PKHD1: variants seen among roughly 807,000 people sequenced by gnomAD.
PKHD1 encodes fibrocystin.
Under a neutral mutation model 412.0 loss-of-function variants are expected in PKHD1, and 291 were observed. The observed-to-expected ratio is 0.71, with a 90% CI of 0.64 to 0.78. The LOEUF is 0.78. Ranked by LOEUF, PKHD1 falls within the 30% of genes least tolerant of loss-of-function variation. The pLI is 0.00. For missense variants in PKHD1, 4,825 were observed against 4,950.7 expected (o/e 0.97, Z 0.76); for synonymous variants, 1,777 against 1,821.5 (o/e 0.98, Z 0.62).
chr6:52,014,770 A>G (rs1800296729), intron 34 of PKHD1, among the ~76,000 whole-genome samples: 2 of 136,500 alleles, frequency 1.5e-5, no homozygotes, highest in East Asian at 2.3e-4. Context: ...GGATGAATAT[A>G]CTGGATAGAT....
rs1766264329 is a variant in PKHD1, at chr6:51,618,798, G to A, written c.*283C>T. The A allele has an allele frequency of 4.4e-6, 2 of 457,342 alleles. No homozygotes were observed. The highest frequency in any genetic ancestry group is 4.0e-6 in the Non-Finnish European group (1 of 248,704). 28.3% of individuals were successfully genotyped at this position (457,342 alleles called of 1,614,324 possible). A position where few individuals can be genotyped will look rare whatever the true frequency, so the allele number is the denominator to read the frequency against. ...GTCAGTATTACACCATTATCAAGTT[G>A]TTAAAATCAGGCTTAAGTTAAAAAC... On this transcript the variant is annotated 3_prime_UTR_variant, in exon 67 of 67. Transcript: ENST00000371117.
Position 52,025,277 on chromosome 6 carries a change from G to A in PKHD1, c.4533C>T (p.Thr1511=). Residue 1511 remains threonine, a synonymous_variant, in exon 32 of 67, where the codon ACC becomes ACT. Coordinates refer to ENST00000371117, the MANE Select transcript of PKHD1 (RefSeq NM_138694.4). The part of the protein sequence containing the change: ...TVLIRGQRLA[T]TADEPMVFVD... ...CAAATACCATCGGCTCATCAGCTGT[G>A]GTGGCTAACCTCTGACCCCTAATCA... 2 of 1,613,952 alleles carry A rather than the reference G, an allele frequency of 1.2e-6. No individual in the cohort carries two copies. The highest frequency in any genetic ancestry group is 1.7e-6 in the Non-Finnish European group (2 of 1,179,998).
intron 52 of PKHD1, among the ~76,000 whole-genome samples, chr6:51,806,467 G>C (rs1490357339): frequency 3.9e-5 from 6 of 152,132 alleles, no homozygotes; most frequent in Non-Finnish European, 7.4e-5. Context: ...GGTAGGGAGA[G>C]AGCAAGAATA....
chr6:52,059,319 G>T (rs1395331244), intron 15 of PKHD1, among the ~76,000 whole-genome samples: 1 of 125,796 alleles, frequency 7.9e-6, no homozygotes, highest in Admixed American at 1.0e-4. Flanking sequence ...AGACTGGAGT[G>T]CAGTGGCAGC....
chr6:51,752,602 G>A (rs570955510), intron 57 of PKHD1, among the ~76,000 whole-genome samples: 5 of 152,226 alleles, frequency 3.3e-5, no homozygotes, highest in South Asian at 2.1e-4. Flanking sequence ...TGTACACCAC[G>A]ATTTTATAAG....
At chr6:51,665,159 G>T (rs79593322) in intron 60 of PKHD1, among the ~76,000 whole-genome samples, 6 of 151,748 alleles carry the variant, frequency 4.0e-5, no homozygotes, top group Admixed American at 2.0e-4. Context: ...GAAAAATACC[G>T]TACAAAAAAA....
intron 41 of PKHD1, among the ~76,000 whole-genome samples, chr6:51,905,874 T>C (rs1028601041): frequency 6.6e-6 from 1 of 152,200 alleles, no homozygotes; most frequent in Non-Finnish European, 1.5e-5. Flanking sequence ...TTTTAAATCC[T>C]TGGCCAACAT....
chr6:51,987,499 G>A (rs1458232458), intron 35 of PKHD1, among the ~76,000 whole-genome samples: 15 of 152,136 alleles, frequency 9.9e-5, no homozygotes, highest in Non-Finnish European at 2.9e-5. Context: ...AAAACAAAAC[G>A]CTGGAAAGTG....
intron 60 of PKHD1, among the ~76,000 whole-genome samples, chr6:51,684,082 T>C (rs1367054026): frequency 6.6e-6 from 1 of 152,142 alleles, no homozygotes; most frequent in Non-Finnish European, 1.5e-5. Context: ...CCAGCTATTC[T>C]GAAAGTCTTT....
intron 46 of PKHD1, among the ~76,000 whole-genome samples, chr6:51,882,664 T>C (rs1777565055): frequency 1.3e-5 from 2 of 152,166 alleles, no homozygotes; most frequent in Admixed American, 1.3e-4. Flanking sequence ...CCGGGAGTAC[T>C]CTTTGCCCCA....
rs74968919 is a variant in PKHD1 at position 51,787,963 on chromosome 6, A to T, written c.8440+3273T>A. Among the ~76,000 whole-genome samples, 273 of 152,340 alleles carry T rather than the reference A, an allele frequency of 1.8e-3. 3 individuals carry two copies. The highest frequency in any genetic ancestry group is 5.9e-3 in the African/African-American group (246 of 41,590). On this transcript the variant is annotated intron_variant, in intron 53 of 66. Coordinates refer to ENST00000371117, the MANE Select transcript of PKHD1 (RefSeq NM_138694.4). Reference sequence around the variant, plus strand: ...ATATCTCTCAATTAATTGGATGAGGATTTTACAGAATAGTAAACAAATGGG... The same window carrying T: ...ATATCTCTCAATTAATTGGATGAGGTTTTTACAGAATAGTAAACAAATGGG...
chr6:52,077,689 T>C (rs1467454811), intron 5 of PKHD1, among the ~76,000 whole-genome samples: 1 of 152,212 alleles, frequency 6.6e-6, no homozygotes, highest in Non-Finnish European at 1.5e-5. Flanking sequence ...TAGTCTGCCA[T>C]GAAGGCTAGT....
In PKHD1 at chr6:52,080,005, A is replaced by C. The variant is rs2128240513; in HGVS notation, c.285T>G (p.Ser95=). 2 of 1,569,328 alleles carry C rather than the reference A, an allele frequency of 1.3e-6. No homozygotes were observed. The highest frequency in any genetic ancestry group is 1.8e-6 in the Non-Finnish European group (2 of 1,139,204). ...GACCCTCATGTGCTTCAGACAGCACAGATCTGAGGACAGAAAGTGGAAATC... is the reference window on the plus strand; with the variant it reads ...GACCCTCATGTGCTTCAGACAGCACCGATCTGAGGACAGAAAGTGGAAATC... ...DLPVVTCRTR[S]VLSEAHEGLY... Residue 95 remains serine, a synonymous_variant, in exon 5 of 67, where the codon TCT becomes TCG. Coordinates refer to ENST00000371117, the MANE Select transcript of PKHD1 (RefSeq NM_138694.4).
intron 60 of PKHD1, among the ~76,000 whole-genome samples, chr6:51,740,429 G>A (rs1431877894): frequency 6.6e-6 from 1 of 152,128 alleles, no homozygotes; most frequent in Non-Finnish European, 1.5e-5. Flanking sequence ...AAAGGCAATG[G>A]ATTCCAAATG....
intron 48 of PKHD1, among the ~76,000 whole-genome samples, chr6:51,858,048 T>C (rs1229869775): frequency 7.0e-6 from 1 of 143,284 alleles, no homozygotes; most frequent in African/African-American, 2.5e-5. Context: ...AGGATTTAAA[T>C]TGGAACTAAT....
intron 2 of PKHD1, among the ~76,000 whole-genome samples, chr6:52,084,108 G>A (rs1295817887): frequency 6.6e-6 from 1 of 152,208 alleles, no homozygotes; most frequent in Non-Finnish European, 1.5e-5. Flanking sequence ...TGAAGGAAAG[G>A]CCAAGTTAAG....
At chr6:51,788,988 C>A (rs746721219) in intron 53 of PKHD1, among the ~76,000 whole-genome samples, 2 of 152,152 alleles carry the variant, frequency 1.3e-5, no homozygotes, top group Non-Finnish European at 2.9e-5. Context: ...TGGATTTGGA[C>A]CCCCAACATC....
chr6:51,874,128 A>G (rs1343865760), intron 46 of PKHD1, among the ~76,000 whole-genome samples: 1 of 152,218 alleles, frequency 6.6e-6, no homozygotes, highest in Admixed American at 6.5e-5. Flanking sequence ...GAGAAATAGG[A>G]GGAAGAATGA....
At chr6:51,908,453 G>A (rs1782468385) in intron 40 of PKHD1, among the ~76,000 whole-genome samples, 1 of 152,102 alleles carries the variant, frequency 6.6e-6, no homozygotes, top group Non-Finnish European at 1.5e-5. Flanking sequence ...GAATGTGTGG[G>A]TGTTGAAAGT....
Sources: gnomAD v4.1 joint callset for allele counts (sites outside exome capture counted in the v4.1 genomes callset) on GRCh38, gnomAD v4.1.1 for gene constraint, MANE v1.5 for transcripts, NCBI Gene and HGNC (gene_info 2026-07-23, HGNC 2026-07-21) for gene names.